TSGA10IP: variants seen among roughly 807,000 people sequenced by gnomAD.
TSGA10IP encodes the protein testis specific 10 interacting protein.
TSGA10IP carries 64 observed loss-of-function variants against 63.2 expected under a neutral mutation model. The observed-to-expected ratio is 1.01, with a 90% CI of 0.83 to 1.25. The LOEUF (loss-of-function observed/expected upper bound fraction) is 1.25, where lower values mean the gene tolerates loss of function less well. TSGA10IP is among the 50% of genes most tolerant of loss of function. TSGA10IP has a pLI of 0.00. For synonymous variants in TSGA10IP, 316 were observed against 298.3 expected (o/e 1.06, Z -0.61); for missense variants, 681 against 710.1 (o/e 0.96, Z 0.47).
chr11:65,956,669 A>G (rs1433216740), intron 5 of TSGA10IP, among the ~76,000 whole-genome samples: 1 of 152,148 alleles, frequency 6.6e-6, no homozygotes, highest in African/African-American at 2.4e-5. Context: ...CTGGGACCAC[A>G]GGTGCGCGCC....
intron 4 of TSGA10IP, among the ~76,000 whole-genome samples, chr11:65,951,187 T>C (rs536679509): frequency 1.3e-5 from 2 of 152,324 alleles, no homozygotes; most frequent in African/African-American, 4.8e-5. Context: ...CTCTTCAACA[T>C]ACTAATTTCA....
At chr11:65,949,720 T>A (rs1565306496) in intron 4 of TSGA10IP, among the ~76,000 whole-genome samples, 2 of 151,986 alleles carry the variant, frequency 1.3e-5, no homozygotes, top group South Asian at 4.2e-4. Flanking sequence ...CAGCCACAAT[T>A]CTTTTTTTAA....
At chr11:65,959,744 CA>C in intron 7 of TSGA10IP, 72 bp from the exon 8 acceptor site, 1 of 1,494,484 alleles carries the variant, frequency 6.7e-7, no homozygotes, top group East Asian at 2.5e-5. Context: ...GGTTTGAAGC[CA>C]CATTGTCAGT....
chr11:65,950,589 T>C (rs1359090655), intron 4 of TSGA10IP, among the ~76,000 whole-genome samples: 1 of 150,832 alleles, frequency 6.6e-6, no homozygotes, highest in Non-Finnish European at 1.5e-5. Flanking sequence ...AGATGGAGTC[T>C]TGTCTCACTG....
chr11:65,945,615 C>A lies in TSGA10IP; in HGVS notation c.-61C>A. 6.3e-7 allele frequency: 1 copy of A among 1,580,670 alleles called. No individual in the cohort carries two copies. Among genetic ancestry groups the A allele is most frequent in the South Asian group, 1.2e-5 (1 of 86,516 alleles). The stretch of plus-strand genomic sequence containing the variant: ...CAGACCCATTGAGACTGGCTGAGGA[C>A]TGGTTGCCATAGAGATGGCCTGTTA... On this transcript the variant is annotated 5_prime_UTR_variant, in exon 1 of 8. It adds an upstream start codon to the 5' untranslated region. Coordinates refer to ENST00000532620, the Ensembl canonical transcript of TSGA10IP.
chr11:65,954,051 CAG>C (rs1272748055), intron 5 of TSGA10IP, among the ~76,000 whole-genome samples: 2 of 152,122 alleles, frequency 1.3e-5, no homozygotes, highest in African/African-American at 4.8e-5. Context: ...TCAAAGATTA[CAG>C]AAATAATGCC....
intron 5 of TSGA10IP, among the ~76,000 whole-genome samples, chr11:65,957,922 TCAAA>T (rs1325724388): frequency 6.6e-6 from 1 of 152,222 alleles, no homozygotes; most frequent in Non-Finnish European, 1.5e-5. Context: ...CTCAAGTTTG[TCAAA>T]CAGACACATT....
chr11:65,958,127 T>C (rs1855056456), intron 5 of TSGA10IP, among the ~76,000 whole-genome samples: 1 of 152,118 alleles, frequency 6.6e-6, no homozygotes, highest in African/African-American at 2.4e-5. Flanking sequence ...CTAATTTTTG[T>C]AGAGACAGGA....
intron 5 of TSGA10IP, among the ~76,000 whole-genome samples, chr11:65,955,103 G>A (rs1382821035): frequency 6.6e-6 from 1 of 152,218 alleles, no homozygotes; most frequent in African/African-American, 2.4e-5. Flanking sequence ...GAGCCTAGCT[G>A]TGTATGCGGA....
chr11:65,948,375 C>G (rs1854884719), intron 4 of TSGA10IP, among the ~76,000 whole-genome samples: 2 of 152,160 alleles, frequency 1.3e-5, no homozygotes, highest in Non-Finnish European at 2.9e-5. Flanking sequence ...TCATCCATCT[C>G]TCTCAATACC....
intron 4 of TSGA10IP, among the ~76,000 whole-genome samples, chr11:65,951,533 A>ATTATTATTATTC (rs1357649370): frequency 6.8e-6 from 1 of 146,180 alleles, no homozygotes; most frequent in East Asian, 2.0e-4. Context: ...TATTATTATT[A>ATTATTATTATTC]TTATTATTAT....
chr11:65,956,511 G>A lies in TSGA10IP; in HGVS notation c.1323-2372G>A, dbSNP rs1420103190. On this transcript the variant is annotated intron_variant, in intron 5 of 7. Transcript: ENST00000532620. Reference sequence around the variant, plus strand: ...CTGAAAGGTCAAGTGTGTTTTGGGGGACTGCTTGGGCCAATGTTTAGGGGG... The same window carrying A: ...CTGAAAGGTCAAGTGTGTTTTGGGGAACTGCTTGGGCCAATGTTTAGGGGG... Among the ~76,000 whole-genome samples, 4 of 151,932 alleles carry A rather than the reference G, an allele frequency of 2.6e-5. No homozygotes were observed. In the East Asian group the frequency reaches 7.8e-4, roughly 30 times the overall value.
At chr11:65,947,962 G>T in intron 3 of TSGA10IP, 39 bp from the exon 4 acceptor site, 1 of 1,540,628 alleles carries the variant, frequency 6.5e-7, no homozygotes, top group South Asian at 1.2e-5. Context: ...TGGGCTGAGA[G>T]GGAGAGGGCA....
Position 65,945,650 on chromosome 11 carries a change from AC to A in TSGA10IP, c.-25del, listed in dbSNP as rs755903581. 7.5e-6 allele frequency: 12 copies of A among 1,609,596 alleles called. No individual in the cohort carries two copies. The Admixed American group carries it at 1.0e-4, about 13-fold the overall frequency. ...TAGAGATGGCCTGTTAGGCAGTTCT[AC>A]GGTGCGGATGGGGGATGGGGCAGGA... On this transcript the variant is annotated 5_prime_UTR_variant, in exon 1 of 8. Transcript: ENST00000532620.
At position 65,951,853 on chromosome 11, in the gene TSGA10IP, CT is replaced by C. The variant is rs879819961; in HGVS notation, c.1152-1700del. On this transcript the variant is annotated intron_variant, in intron 4 of 7. Coordinates refer to ENST00000532620, the Ensembl canonical transcript of TSGA10IP. ...GAGTCACCATGCCCTGACTCTTTGC[CT>C]TTTTTTTTTTTTTGAGATGGAGCCT... Among the ~76,000 whole-genome samples the C allele has an allele frequency of 4.8e-3, 660 of 138,668 alleles. 1 individual carries two copies. The highest frequency in any genetic ancestry group is 8.1e-3 in the Admixed American group (111 of 13,722). The allele number at this position is 138,668 out of a possible 152,430, so 91.0% of individuals were successfully genotyped here.
intron 5 of TSGA10IP, among the ~76,000 whole-genome samples, chr11:65,954,742 C>T (rs1005511923): frequency 4.0e-5 from 6 of 150,048 alleles, no homozygotes; most frequent in Non-Finnish European, 5.9e-5. Flanking sequence ...TGCTTGAACC[C>T]GGGAGATGGA....
rs768334372 is a variant in TSGA10IP, at chr11:65,947,738, C to T, written c.913C>T (p.Arg305Ter). The T allele has an allele frequency of 2.1e-5, 33 of 1,591,514 alleles. No homozygotes were observed. Among genetic ancestry groups the T allele is most frequent in the Admixed American group, 7.2e-5 (4 of 55,456 alleles). Residue 305 changes from arginine (R) to a stop codon, truncating the protein, a stop_gained, in exon 3 of 8, where the codon CGA becomes TGA. Coordinates refer to ENST00000532620, the Ensembl canonical transcript of TSGA10IP. LOFTEE classifies it high-confidence loss of function. ...CCCCAGCTTCAACAACCTCCGAAGG[C>T]GACAATGGAGGAAGACAAGGGCCAA... is the stretch of plus-strand genomic sequence containing the variant.
chr11:65,951,942 C>G (rs1854949686), intron 4 of TSGA10IP, among the ~76,000 whole-genome samples: 1 of 150,156 alleles, frequency 6.7e-6, no homozygotes, highest in Non-Finnish European at 1.5e-5. Context: ...CTCCCCCTCC[C>G]AGGTTCAAGT....
At chr11:65,953,423 T>C in intron 4 of TSGA10IP, 144 bp from the exon 5 acceptor site, 1 of 1,165,876 alleles carries the variant, frequency 8.6e-7, no homozygotes, top group Non-Finnish European at 1.1e-6. Flanking sequence ...TGGACTTCCA[T>C]GACAAACCCT....
Sources: allele counts gnomAD v4.1 joint callset (sites outside exome capture counted in the v4.1 genomes callset), GRCh38; gene constraint gnomAD v4.1.1; transcripts MANE v1.5; gene names NCBI Gene and HGNC (gene_info 2026-07-23, HGNC 2026-07-21).